TMEM132D: variants seen among roughly 807,000 people sequenced by gnomAD.
TMEM132D encodes mature OL transmembrane protein.
Under a neutral mutation model 62.3 loss-of-function variants are expected in TMEM132D, and 21 were observed. The ratio of observed to expected loss-of-function variants is 0.34; its 90% CI spans 0.24 to 0.49. The LOEUF (loss-of-function observed/expected upper bound fraction) is 0.49, where lower values mean the gene tolerates loss of function less well. TMEM132D is among the 20% of genes least tolerant of loss of function. TMEM132D has a pLI of 0.99. For synonymous variants in TMEM132D, 621 were observed against 575.6 expected, an observed-to-expected ratio of 1.08 and a Z score of -1.13; for missense variants, 1,346 against 1,402.8, an observed-to-expected ratio of 0.96 and a Z score of 0.65.
chr12:129,137,705 T>C (rs1420213749), intron 5 of TMEM132D, among the ~76,000 whole-genome samples: 2 of 152,176 alleles, frequency 1.3e-5, no homozygotes, highest in Non-Finnish European at 2.9e-5. Flanking sequence ...TCATTCTTCA[T>C]CCTTGGAATG....
rs116736103 is a variant in TMEM132D at position 129,360,639 on chromosome 12, C to T, written c.1116-22822G>A. On this transcript the variant is annotated intron_variant, in intron 3 of 8. Transcript: ENST00000422113. ...TCTGGCCAGGGATCTGATCACCCAC[C>T]TGGGGACTCTGGCCGGGGATGCTGA... is the stretch of plus-strand genomic sequence containing the variant. 7.3e-3 allele frequency among the ~76,000 whole-genome samples: 1,101 copies of T among 151,620 alleles called. 17 individuals carry two copies. Among genetic ancestry groups the T allele is most frequent in the African/African-American group, 0.026 (1,051 of 40,962 alleles).
chr12:129,170,670 C>G (rs1022377657), intron 5 of TMEM132D, among the ~76,000 whole-genome samples: 3 of 151,916 alleles, frequency 2.0e-5, no homozygotes, highest in African/African-American at 7.3e-5. Flanking sequence ...ACTAAAAATA[C>G]AAAAATAAGC....
chr12:129,741,639 C>T (rs761081077), intron 1 of TMEM132D, among the ~76,000 whole-genome samples: 4 of 152,156 alleles, frequency 2.6e-5, no homozygotes, highest in Non-Finnish European at 5.9e-5. Flanking sequence ...CAAACTCATA[C>T]GTTCTGCAAG....
intron 5 of TMEM132D, among the ~76,000 whole-genome samples, chr12:129,159,570 A>T (rs1877338832): frequency 6.6e-6 from 1 of 152,230 alleles, no homozygotes; most frequent in South Asian, 2.1e-4. Context: ...CAGCCTGGCC[A>T]ACAGGGCAAA....
rs147002439 is a variant in TMEM132D at position 129,531,187 on chromosome 12, G to A, written c.987C>T (p.Gly329=). Residue 329 remains glycine, a synonymous_variant, in exon 3 of 9, where the codon GGC becomes GGT. Transcript: ENST00000422113. The part of the protein sequence containing the change: ...RFTLRAKVKK[G]VNIIGVRASS... Reference sequence around the variant, plus strand: ...TGGCTCGCACGCCGATGATGTTCACGCCTTTCTTCACCTTTGCCCTGTTGG... The same window carrying A: ...TGGCTCGCACGCCGATGATGTTCACACCTTTCTTCACCTTTGCCCTGTTGG... 124 of 1,612,026 alleles carry A rather than the reference G, an allele frequency of 7.7e-5. 1 individual carries two copies. Among genetic ancestry groups the A allele is most frequent in the South Asian group, 3.3e-4 (30 of 90,896 alleles).
At chr12:129,321,807 C>T (rs1473152957) in intron 4 of TMEM132D, among the ~76,000 whole-genome samples, 2 of 152,332 alleles carry the variant, frequency 1.3e-5, no homozygotes, top group Non-Finnish European at 2.9e-5. Flanking sequence ...GATCCACCCG[C>T]CTCGGCCTCC....
intron 1 of TMEM132D, among the ~76,000 whole-genome samples, chr12:129,777,451 G>C (rs766947819): frequency 3.3e-5 from 5 of 152,154 alleles, no homozygotes; most frequent in Non-Finnish European, 7.3e-5. Context: ...CCCAACCTCT[G>C]GTTAACAGCT....
At chr12:129,343,895 C>T (rs1171712393) in intron 3 of TMEM132D, among the ~76,000 whole-genome samples, 1 of 152,160 alleles carries the variant, frequency 6.6e-6, no homozygotes, top group African/African-American at 2.4e-5. Context: ...CATGATCGTG[C>T]CACTGCACTC....
chr12:129,743,525 A>C (rs367993735), intron 1 of TMEM132D, among the ~76,000 whole-genome samples: 28 of 152,294 alleles, frequency 1.8e-4, no homozygotes, highest in African/African-American at 6.3e-4. Flanking sequence ...AGCCATGCTG[A>C]ACTGAGTCAA....
rs989183021 is a variant in TMEM132D, at chr12:129,513,573, C to T, written c.1115+17486G>A. On this transcript the variant is annotated intron_variant, in intron 3 of 8. Coordinates refer to ENST00000422113, the MANE Select transcript of TMEM132D (RefSeq NM_133448.3). ...GATCTCGGCTCACTGCAAGCTTCGCCTCCCGGGTTCACGCCATTCTCCTGC... is the reference window on the plus strand; with the variant it reads ...GATCTCGGCTCACTGCAAGCTTCGCTTCCCGGGTTCACGCCATTCTCCTGC... Among the ~76,000 whole-genome samples the T allele has an allele frequency of 8.6e-5, 13 of 151,852 alleles. No homozygotes were observed. In the East Asian group the frequency reaches 2.5e-3, roughly 30 times the overall value.
chr12:129,312,263 C>T (rs1156472358), intron 4 of TMEM132D, among the ~76,000 whole-genome samples: 2 of 152,162 alleles, frequency 1.3e-5, no homozygotes, highest in Non-Finnish European at 2.9e-5. Flanking sequence ...ACGGAGAACT[C>T]CTATCTTGTT....
intron 5 of TMEM132D, among the ~76,000 whole-genome samples, chr12:129,165,399 C>A (rs184939883): frequency 2.8e-4 from 42 of 152,244 alleles, no homozygotes; most frequent in Middle Eastern, 6.8e-3. Context: ...TTGAACTCTA[C>A]GTAATGATAG....
intron 4 of TMEM132D, among the ~76,000 whole-genome samples, chr12:129,289,556 A>AAAAAAAAAAAAAAAAAAG (rs1881392656): frequency 4.0e-5 from 6 of 148,550 alleles, no homozygotes; most frequent in African/African-American, 1.5e-4. Flanking sequence ...ATAAAAAAAA[A>AAAAAAAAAAAAAAAAAAG]AAAAAAAAGA....
chr12:129,539,600 C>T (rs1385354004), intron 2 of TMEM132D, among the ~76,000 whole-genome samples: 7 of 148,198 alleles, frequency 4.7e-5, no homozygotes, highest in Admixed American at 2.7e-4. Flanking sequence ...TTAGCAGAGA[C>T]GGGATTTCAC....
chr12:129,366,683 A>G (rs1439136059), intron 3 of TMEM132D, among the ~76,000 whole-genome samples: 1 of 152,242 alleles, frequency 6.6e-6, no homozygotes, highest in African/African-American at 2.4e-5. Context: ...GTGATTTGAC[A>G]GGCATTAACT....
At chr12:129,247,552 C>G (rs547608495) in intron 4 of TMEM132D, among the ~76,000 whole-genome samples, 1 of 152,326 alleles carries the variant, frequency 6.6e-6, no homozygotes, top group East Asian at 1.9e-4. Context: ...TCTGTGGCTT[C>G]TCATTCTGTC....
At position 129,367,772 on chromosome 12, in the gene TMEM132D, CTTTTCTT is replaced by C. The variant is rs1400623403; in HGVS notation, c.1116-29962_1116-29956del. Among the ~76,000 whole-genome samples, 32 of 120,102 alleles carry C rather than the reference CTTTTCTT, an allele frequency of 2.7e-4. 1 individual carries two copies. The highest frequency in any genetic ancestry group is 1.0e-3 in the African/African-American group (31 of 30,792). 78.8% of individuals were successfully genotyped at this position (120,102 alleles called of 152,430 possible). A position where few individuals can be genotyped will look rare whatever the true frequency, so the allele number is the denominator to read the frequency against. ...AAGGAAGCTCTTTCTTTTTCCATTT[CTTTTCTT>C]TTTTTTTTTTTTTTTCGTTTTTTTG... On this transcript the variant is annotated intron_variant, in intron 3 of 8. Transcript: ENST00000422113.
At chr12:129,569,093 G>A (rs1301932302) in intron 2 of TMEM132D, among the ~76,000 whole-genome samples, 2 of 152,160 alleles carry the variant, frequency 1.3e-5, no homozygotes, top group African/African-American at 2.4e-5. Context: ...CTTAGTGTGA[G>A]ATAACATGGT....
intron 2 of TMEM132D, among the ~76,000 whole-genome samples, chr12:129,691,247 C>A (rs1881054564): frequency 6.6e-6 from 1 of 151,500 alleles, no homozygotes; most frequent in Non-Finnish European, 1.5e-5. Flanking sequence ...AAATCAATAA[C>A]CTAATCTAAA....
Sources: gnomAD v4.1 joint callset for allele counts (sites outside exome capture counted in the v4.1 genomes callset) on GRCh38, gnomAD v4.1.1 for gene constraint, MANE v1.5 for transcripts, NCBI Gene and HGNC (gene_info 2026-07-23, HGNC 2026-07-21) for gene names.